Variants in CACNA2D3 observed in about 807,000 individuals in gnomAD.
The protein encoded by CACNA2D3 is calcium voltage-gated channel auxiliary subunit alpha2delta 3.
In CACNA2D3, 60 loss-of-function variants were observed where a neutral mutation model predicts 160.6. The observed-to-expected ratio is 0.37, with a 90% CI of 0.30 to 0.46. CACNA2D3 has a LOEUF of 0.46. Among genes scored for constraint, CACNA2D3 ranks in the 20% least tolerant of loss-of-function variants. The pLI is 1.00. For synonymous variants in CACNA2D3, 558 were observed against 492.9 expected (o/e 1.13, Z -1.75); for missense variants, 1,205 against 1,365.0 (o/e 0.88, Z 1.85).
At chr3:54,346,196 A>G (rs1448188054) in intron 3 of CACNA2D3, among the ~76,000 whole-genome samples, 1 of 152,168 alleles carries the variant, frequency 6.6e-6, no homozygotes, top group Non-Finnish European at 1.5e-5. Context: ...ATGACCGTAA[A>G]ACATGGCATG....
intron 2 of CACNA2D3, among the ~76,000 whole-genome samples, chr3:54,246,562 G>A (rs201905662): frequency 7.5e-3 from 15 of 2,002 alleles, no homozygotes; most frequent in East Asian, 0.034. Context: ...GCGTGGTTGC[G>A]GCTGTCTGTA....
At chr3:54,565,009 C>G (rs1014917047) in intron 6 of CACNA2D3, among the ~76,000 whole-genome samples, 1 of 152,082 alleles carries the variant, frequency 6.6e-6, no homozygotes, top group Non-Finnish European at 1.5e-5. Context: ...GTGATCTCCT[C>G]GTAATGGGGA....
intron 2 of CACNA2D3, among the ~76,000 whole-genome samples, chr3:54,170,682 G>A (rs948228694): frequency 9.2e-5 from 14 of 152,122 alleles, no homozygotes; most frequent in Non-Finnish European, 1.9e-4. Context: ...GCCAAGGGCA[G>A]ATCAGTGAGT....
intron 11 of CACNA2D3, among the ~76,000 whole-genome samples, chr3:54,723,819 G>C (rs1170147429): frequency 2.0e-5 from 3 of 152,194 alleles, no homozygotes; most frequent in Non-Finnish European, 2.9e-5. Flanking sequence ...GACCGCAGCT[G>C]TTCCTATTCA....
At chr3:54,388,276 A>C (rs941524558) in intron 4 of CACNA2D3, among the ~76,000 whole-genome samples, 1 of 152,192 alleles carries the variant, frequency 6.6e-6, no homozygotes, top group Non-Finnish European at 1.5e-5. Flanking sequence ...GGAAAGGGTG[A>C]AATTTGGGAT....
intron 16 of CACNA2D3, 39 bp from the exon 17 acceptor site, chr3:54,846,354 G>T (rs759964947): frequency 4.4e-6 from 6 of 1,369,684 alleles, no homozygotes; most frequent in Middle Eastern, 1.8e-4. Flanking sequence ...TCACCAGGGA[G>T]CAAGCTAATG....
chr3:54,500,869 C>T (rs939127372), intron 4 of CACNA2D3, among the ~76,000 whole-genome samples: 1 of 152,066 alleles, frequency 6.6e-6, no homozygotes, highest in African/African-American at 2.4e-5. Context: ...AACAGAATAC[C>T]TGAGACTTTA....
chr3:54,963,792 A>G (rs1702085049), intron 27 of CACNA2D3, among the ~76,000 whole-genome samples: 1 of 152,162 alleles, frequency 6.6e-6, no homozygotes, highest in African/African-American at 2.4e-5. Context: ...CTTTTTCTCA[A>G]TACACCTATC....
At chr3:55,070,008 T>TTGTA (rs1704764476) in intron 35 of CACNA2D3, among the ~76,000 whole-genome samples, 1 of 151,692 alleles carries the variant, frequency 6.6e-6, no homozygotes, top group Admixed American at 6.6e-5. Context: ...ACAGTTTAAT[T>TTGTA]TTTTATTCTT....
At chr3:54,626,178 C>T (rs1406832422) in intron 9 of CACNA2D3, 2 of 716,832 alleles carry the variant, frequency 2.8e-6, no homozygotes, top group East Asian at 2.7e-5. Flanking sequence ...ACTGCGCAGG[C>T]GCGGACCAGA....
intron 2 of CACNA2D3, among the ~76,000 whole-genome samples, chr3:54,223,409 A>G (rs1701609907): frequency 2.0e-5 from 3 of 152,196 alleles, no homozygotes; most frequent in Admixed American, 2.0e-4. Flanking sequence ...ATATGGCATA[A>G]AGGACAAAAG....
At chr3:54,499,274 A>G (rs1007359215) in intron 4 of CACNA2D3, among the ~76,000 whole-genome samples, 1 of 152,150 alleles carries the variant, frequency 6.6e-6, no homozygotes, top group African/African-American at 2.4e-5. Context: ...TTGCACCTGG[A>G]TTCCTTGGGA....
intron 11 of CACNA2D3, among the ~76,000 whole-genome samples, chr3:54,669,291 G>C (rs1031659524): frequency 1.3e-5 from 2 of 152,168 alleles, no homozygotes. Flanking sequence ...ATTTCTGTTG[G>C]ATCTCCAGCA....
Position 54,637,554 on chromosome 3 carries a change from G to A in CACNA2D3, c.1054-4574G>A, listed in dbSNP as rs2106836420. 1.3e-5 allele frequency: 2 copies of A among 152,030 alleles called. 1 individual carries two copies. The highest frequency in any genetic ancestry group is 4.8e-5 in the African/African-American group (2 of 41,334). 9.4% of individuals were successfully genotyped at this position (152,030 alleles called of 1,614,324 possible). ...CACCAGAGTTGGGGAGTTTTAAGAG[G>A]TTTAGAAGCCTGGCTGTCAATACTC... On this transcript the variant is annotated intron_variant, in intron 10 of 37. Transcript: ENST00000474759.
At chr3:54,342,789 C>T (rs1039943602) in intron 3 of CACNA2D3, among the ~76,000 whole-genome samples, 1 of 152,166 alleles carries the variant, frequency 6.6e-6, no homozygotes, top group Non-Finnish European at 1.5e-5. Context: ...TGTAATTTAC[C>T]ACTTGCAGAG....
intron 28 of CACNA2D3, among the ~76,000 whole-genome samples, chr3:54,969,184 A>G (rs1015620889): frequency 1.7e-4 from 26 of 152,250 alleles, no homozygotes; most frequent in Admixed American, 1.2e-3. Flanking sequence ...AATTAATTAC[A>G]TAATTGTATT....
chr3:54,677,308 A>G (rs1700260001), intron 11 of CACNA2D3, among the ~76,000 whole-genome samples: 1 of 152,228 alleles, frequency 6.6e-6, no homozygotes, highest in Non-Finnish European at 1.5e-5. Flanking sequence ...ATAAAAAGGA[A>G]AGGCAGACCT....
intron 14 of CACNA2D3, among the ~76,000 whole-genome samples, chr3:54,829,124 T>A (rs1395127301): frequency 6.6e-6 from 1 of 152,184 alleles, no homozygotes; most frequent in Non-Finnish European, 1.5e-5. Context: ...GATGTTAACA[T>A]TAGCCAAGTA....
At chr3:54,649,093 G>A (rs1013794546) in intron 11 of CACNA2D3, among the ~76,000 whole-genome samples, 2 of 152,152 alleles carry the variant, frequency 1.3e-5, no homozygotes, top group Admixed American at 6.5e-5. Context: ...ACTTGATGCC[G>A]AATACTCCTT....
Sources: allele counts gnomAD v4.1 joint callset (sites outside exome capture counted in the v4.1 genomes callset), GRCh38; gene constraint gnomAD v4.1.1; transcripts MANE v1.5; gene names NCBI Gene and HGNC (gene_info 2026-07-23, HGNC 2026-07-21).